NEGR1: variants seen among roughly 807,000 people sequenced by gnomAD.
NEGR1 encodes the protein neuronal growth regulator 1.
A neutral mutation model predicts 40.9 loss-of-function variants in NEGR1; 10 were observed. That is an observed-to-expected ratio of 0.24 (90% confidence interval 0.15 to 0.42). The LOEUF (loss-of-function observed/expected upper bound fraction) is 0.42, where lower values mean the gene tolerates loss of function less well. NEGR1 is among the 10% of genes least tolerant of loss of function. The probability of loss-of-function intolerance (pLI) is 1.00; values close to 1 mark genes in which losing one functional copy is unlikely to be tolerated. For missense variants in NEGR1, 352 were observed against 438.9 expected (o/e 0.80, Z 1.77); for synonymous variants, 185 against 166.8 (o/e 1.11, Z -0.84).
In NEGR1 at chr1:71,909,688, C is replaced by CA. The variant is rs1661371344; in HGVS notation, c.409+25390dup. 1.3e-5 allele frequency among the ~76,000 whole-genome samples: 2 copies of CA among 152,108 alleles called. 1 individual carries two copies. Among genetic ancestry groups the CA allele is most frequent in the South Asian group, 4.1e-4 (2 of 4,830 alleles). On this transcript the variant is annotated intron_variant, in intron 2 of 6. Transcript: ENST00000357731. Reference sequence around the variant, plus strand: ...AGTCTTTTGAATATTTATTTTGTTCCACTTTACACGAATCTGTCTAAGATT... The same window carrying CA: ...AGTCTTTTGAATATTTATTTTGTTCCAACTTTACACGAATCTGTCTAAGATT...
intron 1 of NEGR1, among the ~76,000 whole-genome samples, chr1:72,240,033 G>A (rs1350490072): frequency 2.6e-5 from 4 of 151,886 alleles, no homozygotes; most frequent in Non-Finnish European, 5.9e-5. Context: ...GAGGCAGTAA[G>A]AAGGTTAAGA....
chr1:72,069,468 C>G (rs1647371735), intron 1 of NEGR1, among the ~76,000 whole-genome samples: 1 of 151,790 alleles, frequency 6.6e-6, no homozygotes, highest in Admixed American at 6.6e-5. Flanking sequence ...AAACTATTTA[C>G]TTATTATAAG....
At chr1:71,782,259 T>G (rs979301096) in intron 2 of NEGR1, among the ~76,000 whole-genome samples, 1 of 152,070 alleles carries the variant, frequency 6.6e-6, no homozygotes, top group Non-Finnish European at 1.5e-5. Context: ...GTGTCATCCA[T>G]GAGAAAACAG....
At chr1:72,110,166 GCA>G (rs1173257583) in intron 1 of NEGR1, among the ~76,000 whole-genome samples, 23 of 142,192 alleles carry the variant, frequency 1.6e-4, no homozygotes, top group African/African-American at 5.3e-4. Flanking sequence ...CACCAGCAAT[GCA>G]TATGTAACTA....
chr1:71,871,329 G>A (rs988861468), intron 2 of NEGR1, among the ~76,000 whole-genome samples: 1 of 152,158 alleles, frequency 6.6e-6, no homozygotes. Flanking sequence ...TAGTTCTTCA[G>A]ATTCAAAATC....
chr1:71,435,126 A>G (rs1360045936), intron 6 of NEGR1, among the ~76,000 whole-genome samples: 2 of 152,038 alleles, frequency 1.3e-5, no homozygotes, highest in South Asian at 2.1e-4. Context: ...AAAAAAAAAA[A>G]GAGGGAATTA....
intron 3 of NEGR1, among the ~76,000 whole-genome samples, chr1:71,706,205 TA>T (rs1268140353): frequency 6.6e-6 from 1 of 152,136 alleles, no homozygotes; most frequent in Admixed American, 6.5e-5. Flanking sequence ...TGTGAGGCAT[TA>T]AACTCAGTGC....
chr1:71,876,555 A>G (rs999128474), intron 2 of NEGR1, among the ~76,000 whole-genome samples: 1 of 150,258 alleles, frequency 6.7e-6, no homozygotes, highest in African/African-American at 2.4e-5. Flanking sequence ...GAGAGAGAGG[A>G]GAAGGAAGGA....
At chr1:71,731,935 T>C (rs1654885059) in intron 3 of NEGR1, among the ~76,000 whole-genome samples, 1 of 152,202 alleles carries the variant, frequency 6.6e-6, no homozygotes, top group Non-Finnish European at 1.5e-5. Context: ...TAGACTTCTA[T>C]TTGCATCCTT....
intron 6 of NEGR1, among the ~76,000 whole-genome samples, chr1:71,585,654 C>A (rs1334365629): frequency 1.4e-5 from 2 of 146,772 alleles, no homozygotes; most frequent in Non-Finnish European, 3.0e-5. Flanking sequence ...AGAAACACAT[C>A]AGTAGAGTAA....
At chr1:72,022,787 C>A (rs980671450) in intron 1 of NEGR1, among the ~76,000 whole-genome samples, 9 of 152,010 alleles carry the variant, frequency 5.9e-5, no homozygotes, top group Non-Finnish European at 1.3e-4. Context: ...TATTCACAGA[C>A]GATATGATTG....
At chr1:71,757,694 A>G (rs1183264182) in intron 3 of NEGR1, among the ~76,000 whole-genome samples, 1 of 152,102 alleles carries the variant, frequency 6.6e-6, no homozygotes, top group Non-Finnish European at 1.5e-5. Context: ...AATCTGAATA[A>G]GTAAAAATTT....
intron 1 of NEGR1, among the ~76,000 whole-genome samples, chr1:72,023,156 G>T (rs1033555577): frequency 7.9e-5 from 12 of 151,872 alleles, no homozygotes; most frequent in Non-Finnish European, 1.5e-4. Context: ...TGTCATTTTT[G>T]TGGCAGAAGT....
intron 6 of NEGR1, among the ~76,000 whole-genome samples, chr1:71,512,731 A>C (rs1240647872): frequency 6.6e-6 from 1 of 151,868 alleles, no homozygotes; most frequent in Admixed American, 6.6e-5. Flanking sequence ...GCAGGTGCCC[A>C]CCACCACGCC....
chr1:71,522,961 C>G (rs1569982920), intron 6 of NEGR1, among the ~76,000 whole-genome samples: 1 of 151,806 alleles, frequency 6.6e-6, no homozygotes, highest in African/African-American at 2.4e-5. Context: ...GGCCTTATGC[C>G]CACGAGCCAG....
chr1:71,546,113 T>C (rs923093393), intron 6 of NEGR1, among the ~76,000 whole-genome samples: 1 of 151,762 alleles, frequency 6.6e-6, no homozygotes, highest in Non-Finnish European at 1.5e-5. Context: ...GTCACAAGTC[T>C]TTCTAATTAC....
chr1:72,169,538 T>C (rs1009807887), intron 1 of NEGR1, among the ~76,000 whole-genome samples: 11 of 152,314 alleles, frequency 7.2e-5, no homozygotes, highest in African/African-American at 2.6e-4. Flanking sequence ...TTGTCTCCAC[T>C]GAATTCTTCT....
intron 3 of NEGR1, among the ~76,000 whole-genome samples, chr1:71,746,331 G>A (rs1217803724): frequency 5.9e-5 from 9 of 152,120 alleles, no homozygotes; most frequent in Non-Finnish European, 1.3e-4. Flanking sequence ...GGCTGCAAGA[G>A]GCAAGAGTTC....
intron 1 of NEGR1, among the ~76,000 whole-genome samples, chr1:72,017,017 A>G (rs1294663554): frequency 1.3e-5 from 2 of 152,108 alleles, no homozygotes; most frequent in East Asian, 3.8e-4. Flanking sequence ...TTTAATTTTT[A>G]CTGTATAATT....
Sources: allele counts gnomAD v4.1 joint callset (sites outside exome capture counted in the v4.1 genomes callset), GRCh38; gene constraint gnomAD v4.1.1; transcripts MANE v1.5; gene names NCBI Gene and HGNC (gene_info 2026-07-23, HGNC 2026-07-21).